AP1G1: variants seen among roughly 807,000 people sequenced by gnomAD.
The protein encoded by AP1G1 is adaptor related protein complex 1 subunit gamma 1, also known as AP-1 complex subunit gamma-1.
In AP1G1, 7 loss-of-function variants were observed where a neutral mutation model predicts 108.3. That is an observed-to-expected ratio of 0.06 (90% CI 0.04 to 0.12). AP1G1 has a LOEUF of 0.12. Among genes scored for constraint, AP1G1 ranks in the 10% least tolerant of loss-of-function variants. The pLI is 1.00. For synonymous variants in AP1G1, 379 were observed against 353.5 expected (o/e 1.07, Z -0.81); for missense variants, 756 against 1,010.7 (o/e 0.75, Z 3.42).
At chr16:71,791,452 A>G (rs1254339370) in intron 1 of AP1G1, among the ~76,000 whole-genome samples, 1 of 152,150 alleles carries the variant, frequency 6.6e-6, no homozygotes, top group Non-Finnish European at 1.5e-5. Context: ...TAACCACTCA[A>G]GTAACAAAAC....
intron 11 of AP1G1, among the ~76,000 whole-genome samples, chr16:71,757,360 A>C (rs1201867847): frequency 6.6e-6 from 1 of 151,632 alleles, no homozygotes; most frequent in African/African-American, 2.4e-5. Flanking sequence ...CTGAGACAGG[A>C]GAATCGCTTG....
chr16:71,764,619 T>C (rs1274867714), intron 8 of AP1G1, 27 bp downstream of exon 8: 2 of 1,495,404 alleles, frequency 1.3e-6, no homozygotes, highest in African/African-American at 1.4e-5. Context: ...AAAATAAATA[T>C]ATATTTAATA....
chr16:71,787,175 C>T (rs561281155), intron 2 of AP1G1, among the ~76,000 whole-genome samples: 313 of 151,930 alleles, frequency 2.1e-3, no homozygotes, highest in Non-Finnish European at 3.4e-3. Flanking sequence ...AAAAATTAGC[C>T]GGGTGTGGTG....
At chr16:71,752,892 T>C (rs2030578699) in intron 13 of AP1G1, among the ~76,000 whole-genome samples, 1 of 152,218 alleles carries the variant, frequency 6.6e-6, no homozygotes, top group Non-Finnish European at 1.5e-5. Context: ...GCCATTTCTT[T>C]CTTCATGAAT....
chr16:71,747,037 C>G (rs2030216854), intron 16 of AP1G1: 1 of 158,386 alleles, frequency 6.3e-6, no homozygotes, highest in Non-Finnish European at 1.4e-5. Flanking sequence ...TTGTACTGTT[C>G]ATTCTCTTCT....
At chr16:71,760,569 G>C (rs565713647) in intron 10 of AP1G1, among the ~76,000 whole-genome samples, 2 of 150,642 alleles carry the variant, frequency 1.3e-5, no homozygotes, top group South Asian at 4.2e-4. Context: ...AAAAGAAACA[G>C]GGTCTCTCTG....
intron 7 of AP1G1, 143 bp from the exon 8 acceptor site, chr16:71,764,869 A>C: frequency 1.6e-6 from 1 of 606,576 alleles, no homozygotes; most frequent in Non-Finnish European, 2.9e-6. Flanking sequence ...CAAAAATCAA[A>C]CAGAAGAATT....
At position 71,745,624 on chromosome 16, in the gene AP1G1, T is replaced by A; in HGVS notation, c.1731-10A>T. Reference sequence around the variant, plus strand: ...CTCAAGTAGGGCAGACCTAGAAGAATCTGAAGTGGTTAAATTCTAGGCAGT... The same window carrying A: ...CTCAAGTAGGGCAGACCTAGAAGAAACTGAAGTGGTTAAATTCTAGGCAGT... On this transcript the variant is annotated splice_polypyrimidine_tract_variant and intron_variant, in intron 17 of 22. Transcript: ENST00000299980. 1 of 1,612,250 alleles carries A rather than the reference T, an allele frequency of 6.2e-7. No homozygotes were observed. Among genetic ancestry groups the A allele is most frequent in the African/African-American group, 1.3e-5 (1 of 74,966 alleles).
In AP1G1 at chr16:71,761,578, A is replaced by G. The variant is rs2031083996; in HGVS notation, c.919-11T>C. The G allele has an allele frequency of 6.3e-7, 1 of 1,598,822 alleles. No homozygotes were observed. Among genetic ancestry groups the G allele is most frequent in the Non-Finnish European group, 8.6e-7 (1 of 1,168,342 alleles). ...ATTTATGGCTAGGACCTAAAGAGAA[A>G]CAGCATAGGTCGAAATTTAGGAAAA... On this transcript the variant is annotated splice_polypyrimidine_tract_variant and intron_variant, in intron 9 of 22. Transcript: ENST00000299980.
chr16:71,749,001 G>C (rs573942737), intron 15 of AP1G1, among the ~76,000 whole-genome samples: 16 of 152,132 alleles, frequency 1.1e-4, no homozygotes, highest in African/African-American at 3.9e-4. Context: ...CCACCTCCCG[G>C]GTTCACGCCA....
chr16:71,759,322 T>C (rs1218642450), intron 10 of AP1G1, among the ~76,000 whole-genome samples: 1 of 151,820 alleles, frequency 6.6e-6, no homozygotes, highest in Non-Finnish European at 1.5e-5. Flanking sequence ...GCTGGGCACA[T>C]GGGTGTTAGG....
rs546615285 is a variant in AP1G1, at chr16:71,808,242, T to C, written c.-4+521A>G. On this transcript the variant is annotated intron_variant, in intron 1 of 22. Coordinates refer to ENST00000299980, the MANE Select transcript of AP1G1 (RefSeq NM_001128.6). ...CACACACGAAAAATTGGGAAAGAAG[T>C]TGGTCGGAAGGTTAGAGAGAGGCGA... 5.6e-6 allele frequency: 6 copies of C among 1,063,256 alleles called. No individual in the cohort carries two copies. The South Asian group carries it at 1.1e-4, about 19-fold the overall frequency. 65.9% of individuals were successfully genotyped at this position (1,063,256 alleles called of 1,614,324 possible). A position where few individuals can be genotyped will look rare whatever the true frequency, so the allele number is the denominator to read the frequency against.
chr16:71,804,659 C>T (rs1463833024), intron 1 of AP1G1, among the ~76,000 whole-genome samples: 2 of 152,066 alleles, frequency 1.3e-5, no homozygotes, highest in East Asian at 1.9e-4. Context: ...CCGCCTGCCT[C>T]GGCCTCCCAA....
At chr16:71,751,225 T>A (rs1307841040) in intron 13 of AP1G1, 3 of 151,492 alleles carry the variant, frequency 2.0e-5, no homozygotes, top group Non-Finnish European at 4.4e-5. Context: ...GGCTCACACC[T>A]GTAATCGCAG....
At position 71,737,747 on chromosome 16, in the gene AP1G1, C is replaced by T. The variant is rs11861200; in HGVS notation, c.2268+1195G>A. On this transcript the variant is annotated intron_variant, in intron 21 of 22. Transcript: ENST00000299980. Reference sequence around the variant, plus strand: ...CAATTTCCAAGTCCAAGTGTGTTGTCGGAATGTCTAAATGCCATATTTCAC... The same window carrying T: ...CAATTTCCAAGTCCAAGTGTGTTGTTGGAATGTCTAAATGCCATATTTCAC... Among the ~76,000 whole-genome samples the T allele has an allele frequency of 5.8e-3, 883 of 152,376 alleles. 11 individuals carry two copies. Among genetic ancestry groups the T allele is most frequent in the African/African-American group, 0.02 (827 of 41,592 alleles).
chr16:71,751,763 G>C (rs2030520133), intron 13 of AP1G1, among the ~76,000 whole-genome samples: 1 of 152,010 alleles, frequency 6.6e-6, no homozygotes, highest in Admixed American at 6.6e-5. Flanking sequence ...ACCATATTCT[G>C]GGTCATAAAA....
chr16:71,761,590 G>C, intron 9 of AP1G1, 23 bp from the exon 10 acceptor site: 23 of 1,563,084 alleles, frequency 1.5e-5, no homozygotes, highest in Non-Finnish European at 2.0e-5. Flanking sequence ...AGCATAGGTC[G>C]AAATTTAGGA....
chr16:71,747,750 G>A (rs1453524497), intron 16 of AP1G1, among the ~76,000 whole-genome samples: 1 of 152,008 alleles, frequency 6.6e-6, no homozygotes. Flanking sequence ...GGGAGGTCAG[G>A]GCAGGAGGAT....
intron 2 of AP1G1, among the ~76,000 whole-genome samples, chr16:71,776,986 G>A (rs983047978): frequency 6.6e-6 from 1 of 151,416 alleles, no homozygotes; most frequent in South Asian, 2.1e-4. Context: ...GTGGGCGCCT[G>A]TAATCCCAGC....
Sources: allele counts gnomAD v4.1 joint callset (sites outside exome capture counted in the v4.1 genomes callset), GRCh38; gene constraint gnomAD v4.1.1; transcripts MANE v1.5; gene names NCBI Gene and HGNC (gene_info 2026-07-23, HGNC 2026-07-21).